Variants in MARK4 observed in about 807,000 individuals in gnomAD.
The protein encoded by MARK4 is microtubule affinity regulating kinase 4, also known as MAP/microtubule affinity-regulating kinase 4.
MARK4 carries 19 observed loss-of-function variants against 81.5 expected under a neutral mutation model. The observed-to-expected ratio is 0.23, with a 90% CI of 0.16 to 0.34. MARK4 has a LOEUF of 0.34. Ranked by LOEUF, MARK4 falls within the 10% of genes least tolerant of loss-of-function variation. The probability of loss-of-function intolerance (pLI) is 1.00; values close to 1 mark genes in which losing one functional copy is unlikely to be tolerated. For synonymous variants in MARK4, 436 were observed against 439.0 expected (o/e 0.99, Z 0.08); for missense variants, 772 against 1,058.8 (o/e 0.73, Z 3.76).
At chr19:45,282,694 G>A (rs549917566) in intron 12 of MARK4, among the ~76,000 whole-genome samples, 65 of 151,936 alleles carry the variant, frequency 4.3e-4, no homozygotes, top group Admixed American at 2.4e-3. Context: ...GCATGGTGGC[G>A]GGCACCTGTA....
intron 8 of MARK4, among the ~76,000 whole-genome samples, chr19:45,276,301 A>G (rs1037724899): frequency 2.0e-5 from 3 of 152,330 alleles, no homozygotes; most frequent in Non-Finnish European, 4.4e-5. Context: ...TGCTGGGATT[A>G]TAGACATAAG....
chr19:45,279,878 A>G (rs1568497615), intron 10 of MARK4, among the ~76,000 whole-genome samples: 5 of 152,188 alleles, frequency 3.3e-5, no homozygotes, highest in African/African-American at 7.2e-5. Context: ...CTTTGGGTGT[A>G]GAACACACTA....
chr19:45,280,684 A>G lies in MARK4; in HGVS notation c.1226A>G (p.Gln409Arg). 6.2e-7 allele frequency: 1 copy of G among 1,614,214 alleles called. No individual in the cohort carries two copies. The highest frequency in any genetic ancestry group is 8.5e-7 in the Non-Finnish European group (1 of 1,180,028). Residue 409 changes from glutamine (Q) to arginine (R), a missense_variant, in exon 12 of 17, where the codon CAG becomes CGG. By Grantham distance (43) the Gln-to-Arg change is conservative. Coordinates refer to ENST00000262891, the MANE Select transcript of MARK4 (RefSeq NM_001199867.2). ...SSKGTSHSKG[Q>R]RSSSSTYHRQ... ...AAAGGCACCAGCCACAGCAAAGGGCAGCGGAGTTCCTCTTCCACCTACCAC... is the reference window on the plus strand; with the variant it reads ...AAAGGCACCAGCCACAGCAAAGGGCGGCGGAGTTCCTCTTCCACCTACCAC...
chr19:45,287,820 T>C, intron 13 of MARK4, 156 bp downstream of exon 13: 1 of 870,468 alleles, frequency 1.1e-6, no homozygotes. Context: ...AGTGCCTCTG[T>C]TTGCCTGAGC....
At chr19:45,258,050 A>G (rs1253711423) in intron 1 of MARK4, among the ~76,000 whole-genome samples, 2 of 143,634 alleles carry the variant, frequency 1.4e-5, no homozygotes, top group Non-Finnish European at 3.0e-5. Context: ...CAGTAGAGCG[A>G]TCTCGGCTCA....
At chr19:45,267,908 G>A (rs1447590820) in intron 7 of MARK4, among the ~76,000 whole-genome samples, 2 of 152,050 alleles carry the variant, frequency 1.3e-5, no homozygotes, top group Non-Finnish European at 2.9e-5. Context: ...AGATTCTCCT[G>A]CCTCAGCCTT....
chr19:45,262,303 A>T (rs1423984532), intron 2 of MARK4, among the ~76,000 whole-genome samples: 2 of 124,632 alleles, frequency 1.6e-5, no homozygotes, highest in Non-Finnish European at 3.2e-5. Flanking sequence ...ACACCACTGT[A>T]CTCTAGCCTG....
chr19:45,290,144 G>A (rs77118926), intron 13 of MARK4, among the ~76,000 whole-genome samples: 9 of 152,196 alleles, frequency 5.9e-5, no homozygotes, highest in Non-Finnish European at 1.2e-4. Context: ...AATTTTTCTC[G>A]TACGTTCTTG....
intron 15 of MARK4, chr19:45,298,225 A>G (rs372461364): frequency 5.0e-6 from 8 of 1,613,840 alleles, no homozygotes; most frequent in Non-Finnish European, 6.8e-6. Flanking sequence ...CAAGATCAGT[A>G]AGTCCCGTCC....
At chr19:45,291,339 C>T (rs1970817623) in intron 13 of MARK4, among the ~76,000 whole-genome samples, 1 of 152,218 alleles carries the variant, frequency 6.6e-6, no homozygotes, top group African/African-American at 2.4e-5. Flanking sequence ...TGCCCCAGCA[C>T]TGGTGAATTC....
rs762964962 is a variant in MARK4 at position 45,298,265 on chromosome 19, TG to T, written c.1877+312del. 20 of 1,590,912 alleles carry T rather than the reference TG, an allele frequency of 1.3e-5. No homozygotes were observed. In the African/African-American group the frequency reaches 2.4e-4, roughly 19 times the overall value. ...CCTGTTCTCGCTGGCTCTGCCTCCC[TG>T]CCTGCATGTCTGACCTGTGTGTGCG... On this transcript the variant is annotated intron_variant, in intron 15 of 16. Coordinates refer to ENST00000262891, the MANE Select transcript of MARK4 (RefSeq NM_001199867.2).
At chr19:45,263,033 TG>T in intron 2 of MARK4, 79 bp from the exon 3 acceptor site, 1 of 1,515,032 alleles carries the variant, frequency 6.6e-7, no homozygotes. Flanking sequence ...CCCAAAATGC[TG>T]GGATTACAGG....
chr19:45,268,619 C>T (rs1385361795), intron 7 of MARK4, among the ~76,000 whole-genome samples: 2 of 151,508 alleles, frequency 1.3e-5, no homozygotes, highest in African/African-American at 4.9e-5. Flanking sequence ...AGCTTGTATG[C>T]CTGTGGTCTC....
At chr19:45,275,237 G>A (rs1048742347) in intron 8 of MARK4, among the ~76,000 whole-genome samples, 4 of 152,110 alleles carry the variant, frequency 2.6e-5, no homozygotes, top group Non-Finnish European at 5.9e-5. Context: ...CTCCAGCCTG[G>A]ACGACAGAGC....
At chr19:45,283,409 C>CAAA (rs869039919) in intron 12 of MARK4, among the ~76,000 whole-genome samples, 6 of 86,400 alleles carry the variant, frequency 6.9e-5, no homozygotes, top group Non-Finnish European at 1.3e-4. Flanking sequence ...GACTTCCTCT[C>CAAA]AAAAAAAAAA....
At chr19:45,268,793 A>G (rs1970488263) in intron 7 of MARK4, among the ~76,000 whole-genome samples, 1 of 152,078 alleles carries the variant, frequency 6.6e-6, no homozygotes, top group African/African-American at 2.4e-5. Flanking sequence ...TCTGAAAAAA[A>G]GAAAAATAAT....
At chr19:45,279,886 C>T (rs547674139) in intron 10 of MARK4, among the ~76,000 whole-genome samples, 197 of 152,220 alleles carry the variant, frequency 1.3e-3, no homozygotes, top group South Asian at 3.7e-3. Context: ...GTAGAACACA[C>T]TAATTAGCCA....
chr19:45,262,074 C>G (rs149566989), intron 2 of MARK4, among the ~76,000 whole-genome samples: 157 of 152,278 alleles, frequency 1.0e-3, no homozygotes, highest in African/African-American at 3.6e-3. Flanking sequence ...AAGTTCAAAT[C>G]TGGGCCACAA....
intron 10 of MARK4, among the ~76,000 whole-genome samples, chr19:45,279,709 T>TAA (rs1970646952): frequency 6.6e-6 from 1 of 152,198 alleles, no homozygotes. Flanking sequence ...TTCTGCCACA[T>TAA]AACTAAAATG....
Sources: gnomAD v4.1 joint callset for allele counts (sites outside exome capture counted in the v4.1 genomes callset) on GRCh38, gnomAD v4.1.1 for gene constraint, MANE v1.5 for transcripts, NCBI Gene and HGNC (gene_info 2026-07-23, HGNC 2026-07-21) for gene names.